Variants in METTL15 observed in about 807,000 individuals in gnomAD.
METTL15 encodes the protein methyltransferase 15, mitochondrial 12S rRNA N4-cytidine.
In METTL15, 34 loss-of-function variants were observed where a neutral mutation model predicts 38.3. The ratio of observed to expected loss-of-function variants is 0.89; its 90% CI spans 0.68 to 1.18. The LOEUF is 1.18. Among genes scored for constraint, METTL15 ranks in the 50% most tolerant of loss-of-function variants. The pLI, the probability that METTL15 is intolerant of heterozygous loss-of-function variation, is 0.00. For synonymous variants in METTL15, 162 were observed against 170.9 expected, an observed-to-expected ratio of 0.95 and a Z score of 0.41; for missense variants, 438 against 498.4, an observed-to-expected ratio of 0.88 and a Z score of 1.15.
chr11:28,208,298 T>A (rs879501636), intron 3 of METTL15, among the ~76,000 whole-genome samples: 2 of 152,190 alleles, frequency 1.3e-5, no homozygotes, highest in African/African-American at 2.4e-5. Flanking sequence ...CCAGAGATTC[T>A]GGTATGTTGT....
intron 6 of METTL15, among the ~76,000 whole-genome samples, chr11:28,482,500 T>A (rs1851403853): frequency 6.6e-6 from 1 of 152,186 alleles, no homozygotes; most frequent in South Asian, 2.1e-4. Flanking sequence ...CAGAACTGAG[T>A]AGTTGCTCAG....
intron 3 of METTL15, among the ~76,000 whole-genome samples, chr11:28,198,915 A>G (rs905760794): frequency 6.6e-5 from 10 of 152,078 alleles, no homozygotes; most frequent in Admixed American, 2.6e-4. Flanking sequence ...TCAGCACACA[A>G]TGGTAGAACA....
At chr11:28,237,998 T>C (rs1854090572) in intron 4 of METTL15, among the ~76,000 whole-genome samples, 2 of 152,110 alleles carry the variant, frequency 1.3e-5, no homozygotes, top group Non-Finnish European at 2.9e-5. Context: ...CCGTATGAGG[T>C]GTCAGTCTGC....
intron 5 of METTL15, among the ~76,000 whole-genome samples, chr11:28,408,201 C>T (rs1444889464): frequency 1.3e-5 from 2 of 152,242 alleles, no homozygotes; most frequent in East Asian, 1.9e-4. Context: ...ATAGCCAATG[C>T]ATGCGGGGCT....
chr11:28,453,484 A>G (rs1279915657), intron 6 of METTL15, among the ~76,000 whole-genome samples: 1 of 152,254 alleles, frequency 6.6e-6, no homozygotes, highest in Non-Finnish European at 1.5e-5. Flanking sequence ...AATGTGTTAA[A>G]AAAATCTTTA....
chr11:28,228,323 T>G (rs1853560984), intron 4 of METTL15, among the ~76,000 whole-genome samples: 1 of 150,100 alleles, frequency 6.7e-6, no homozygotes, highest in Admixed American at 6.6e-5. Context: ...GCTCTGCTAT[T>G]TACTCACTAT....
rs1419709313 is a variant in METTL15, at chr11:28,167,507, GA to G, written c.271-43554del. Among the ~76,000 whole-genome samples, 4 of 151,982 alleles carry G rather than the reference GA, an allele frequency of 2.6e-5. No individual in the cohort carries two copies. The East Asian group carries it at 7.7e-4, about 29-fold the overall frequency. ...ACCGTAGTACTTTTTTCTCTATGCA[GA>G]TAATTTTTTAACTGTCCCTGAGTCT... is the stretch of plus-strand genomic sequence containing the variant. On this transcript the variant is annotated intron_variant, in intron 3 of 6. Coordinates refer to ENST00000407364, the MANE Select transcript of METTL15 (RefSeq NM_001113528.2).
At chr11:28,205,413 A>G (rs1411132637) in intron 3 of METTL15, among the ~76,000 whole-genome samples, 2 of 152,184 alleles carry the variant, frequency 1.3e-5, no homozygotes, top group East Asian at 3.9e-4. Flanking sequence ...AATTTCATCC[A>G]TGTCCCTACA....
intron 4 of METTL15, among the ~76,000 whole-genome samples, chr11:28,222,025 G>T (rs898748370): frequency 1.3e-5 from 2 of 152,182 alleles, no homozygotes; most frequent in Non-Finnish European, 2.9e-5. Flanking sequence ...GAGGCAGTCT[G>T]TCTGTTCTCA....
chr11:28,428,750 A>G (rs970117534), intron 6 of METTL15, among the ~76,000 whole-genome samples: 3 of 152,140 alleles, frequency 2.0e-5, no homozygotes, highest in Admixed American at 6.5e-5. Context: ...CTAGTCCAAC[A>G]TCTCCAAATT....
intron 4 of METTL15, among the ~76,000 whole-genome samples, chr11:28,224,152 AT>A (rs1853372542): frequency 6.6e-6 from 1 of 151,840 alleles, no homozygotes; most frequent in Non-Finnish European, 1.5e-5. Flanking sequence ...GGGGTTAGTG[AT>A]TTTACGTTTT....
At chr11:28,484,834 G>C (rs1161815897) in intron 6 of METTL15, among the ~76,000 whole-genome samples, 2 of 150,220 alleles carry the variant, frequency 1.3e-5, no homozygotes, top group Non-Finnish European at 3.0e-5. Context: ...AAGGTAATTG[G>C]CAAAGGGTTT....
intron 3 of METTL15, among the ~76,000 whole-genome samples, chr11:28,347,748 A>G (rs1850007875): frequency 6.6e-6 from 1 of 152,188 alleles, no homozygotes; most frequent in Admixed American, 6.6e-5. Flanking sequence ...CACACTTTTG[A>G]AAATGCTGTC....
At chr11:28,307,726 A>G (rs918255151) in intron 6 of METTL15, among the ~76,000 whole-genome samples, 1 of 151,992 alleles carries the variant, frequency 6.6e-6, no homozygotes, top group Non-Finnish European at 1.5e-5. Context: ...CGACTTAACC[A>G]TCAGGTATTT....
At chr11:28,447,636 A>G (rs1851086110) in intron 6 of METTL15, among the ~76,000 whole-genome samples, 1 of 151,634 alleles carries the variant, frequency 6.6e-6, no homozygotes, top group Non-Finnish European at 1.5e-5. Context: ...CTCTTGTTTT[A>G]CATTGTGAGT....
chr11:28,405,385 C>A (rs1472031994), intron 5 of METTL15, among the ~76,000 whole-genome samples: 2 of 152,154 alleles, frequency 1.3e-5, no homozygotes, highest in African/African-American at 2.4e-5. Flanking sequence ...TAAACTTATT[C>A]TAACTTATTT....
chr11:28,209,320 A>T lies in METTL15; in HGVS notation c.271-1742A>T, dbSNP rs1050377189. 2.6e-5 allele frequency among the ~76,000 whole-genome samples: 4 copies of T among 151,988 alleles called. No homozygotes were observed. In the East Asian group the frequency reaches 7.7e-4, roughly 29 times the overall value. On this transcript the variant is annotated intron_variant, in intron 3 of 6. Transcript: ENST00000407364. The stretch of plus-strand genomic sequence containing the variant: ...AGTTTATGGTTTTGCCTTGGAAAAA[A>T]TTCTTTGGTTAAATTATGTTGAACT...
intron 6 of METTL15, among the ~76,000 whole-genome samples, chr11:28,525,114 T>C (rs1051175698): frequency 2.6e-5 from 4 of 152,196 alleles, no homozygotes; most frequent in African/African-American, 7.2e-5. Context: ...GTGAGTGTTA[T>C]AGCTCATAAA....
chr11:28,378,241 G>A (rs887166851), intron 5 of METTL15, among the ~76,000 whole-genome samples: 1 of 152,300 alleles, frequency 6.6e-6, no homozygotes, highest in Admixed American at 6.5e-5. Flanking sequence ...AATGGCGGGC[G>A]CCCCTCCCCC....
Sources: allele counts gnomAD v4.1 joint callset (sites outside exome capture counted in the v4.1 genomes callset), GRCh38; gene constraint gnomAD v4.1.1; transcripts MANE v1.5; gene names NCBI Gene and HGNC (gene_info 2026-07-23, HGNC 2026-07-21).